Variants in RIMS4 observed in about 807,000 individuals in gnomAD.
RIMS4 encodes the protein regulating synaptic membrane exocytosis protein 4.
RIMS4 carries 9 observed loss-of-function variants against 29.0 expected under a neutral mutation model. The observed-to-expected ratio is 0.31, with a 90% CI of 0.19 to 0.54. The LOEUF (loss-of-function observed/expected upper bound fraction) is 0.54, where lower values mean the gene tolerates loss of function less well. RIMS4 is among the 20% of genes least tolerant of loss of function. The pLI is 0.94. For missense variants in RIMS4, 193 were observed against 365.7 expected (o/e 0.53, Z 3.85); for synonymous variants, 130 against 152.9 (o/e 0.85, Z 1.10).
chr20:44,784,573 G>A (rs1209862547), intron 1 of RIMS4, among the ~76,000 whole-genome samples: 3 of 152,196 alleles, frequency 2.0e-5, no homozygotes, highest in Non-Finnish European at 4.4e-5. Context: ...CTTAAAATCC[G>A]TCTCTCTCCA....
chr20:44,783,459 C>T (rs938760100), intron 1 of RIMS4, among the ~76,000 whole-genome samples: 1 of 152,066 alleles, frequency 6.6e-6, no homozygotes, highest in Non-Finnish European at 1.5e-5. Context: ...ACTGTCTCTA[C>T]TAAAAATACA....
intron 2 of RIMS4, among the ~76,000 whole-genome samples, chr20:44,760,259 G>A (rs1601018408): frequency 6.6e-6 from 1 of 152,196 alleles, no homozygotes; most frequent in Non-Finnish European, 1.5e-5. Context: ...AGGCTGGGGG[G>A]ATCTGAAAGC....
At chr20:44,779,279 A>G (rs1468513343) in intron 1 of RIMS4, among the ~76,000 whole-genome samples, 1 of 152,216 alleles carries the variant, frequency 6.6e-6, no homozygotes, top group Non-Finnish European at 1.5e-5. Context: ...AAACTGTACA[A>G]TTATATATCG....
intron 2 of RIMS4, among the ~76,000 whole-genome samples, chr20:44,767,715 A>G (rs1307592922): frequency 1.3e-5 from 2 of 152,214 alleles, no homozygotes; most frequent in Non-Finnish European, 2.9e-5. Context: ...CCATTTCCTC[A>G]TCTGTAAAAT....
intron 1 of RIMS4, among the ~76,000 whole-genome samples, chr20:44,800,861 A>G (rs1256765416): frequency 6.6e-6 from 1 of 152,190 alleles, no homozygotes; most frequent in Non-Finnish European, 1.5e-5. Flanking sequence ...CACTGTGCAC[A>G]CAGTAAACAC....
At position 44,756,777 on chromosome 20, in the gene RIMS4, T is replaced by A; in HGVS notation, c.591+121A>T. 1 of 883,386 alleles carries A rather than the reference T, an allele frequency of 1.1e-6. No homozygotes were observed. The highest frequency in any genetic ancestry group is 1.7e-6 in the Non-Finnish European group (1 of 595,986). 54.7% of individuals were successfully genotyped at this position (883,386 alleles called of 1,614,324 possible). On this transcript the variant is annotated intron_variant, in intron 5 of 5. Transcript: ENST00000372851. The surrounding 1 kb of genome is among the most constrained non-coding windows in gnomAD (Gnocchi z 5.9). ...GCCACAGTGAACTGAGGGCCTCGCC[T>A]GTTTCCTCCAGGCGAGGCCCTCCAG...
In RIMS4 at chr20:44,757,782, C is replaced by T; in HGVS notation, c.350-11G>A. Reference sequence around the variant, plus strand: ...CGATCTCCACATCCCCTGGAAGAGGCACCAAGAGATGAGACTGGGAAATGG... The same window carrying T: ...CGATCTCCACATCCCCTGGAAGAGGTACCAAGAGATGAGACTGGGAAATGG... On this transcript the variant is annotated splice_polypyrimidine_tract_variant and intron_variant, in intron 3 of 5. Coordinates refer to ENST00000372851, the MANE Select transcript of RIMS4 (RefSeq NM_182970.4). 1 of 1,607,492 alleles carries T rather than the reference C, an allele frequency of 6.2e-7. No homozygotes were observed. The highest frequency in any genetic ancestry group is 8.5e-7 in the Non-Finnish European group (1 of 1,174,228).
chr20:44,791,732 C>T (rs185226364), intron 1 of RIMS4, among the ~76,000 whole-genome samples: 64 of 152,246 alleles, frequency 4.2e-4, no homozygotes, highest in African/African-American at 1.5e-3. Context: ...ATGACTCCTT[C>T]TCCTCTTGAT....
chr20:44,756,842 A>G lies in RIMS4; in HGVS notation c.591+56T>C. The G allele has an allele frequency of 6.4e-7, 1 of 1,559,066 alleles. No individual in the cohort carries two copies. The highest frequency in any genetic ancestry group is 2.3e-5 in the East Asian group (1 of 44,044). Reference sequence around the variant, plus strand: ...AGGGGTGCCCTCCTCTCATTCTGGTACTGTGCATGTGTGCTCGTGCACACA... The same window carrying G: ...AGGGGTGCCCTCCTCTCATTCTGGTGCTGTGCATGTGTGCTCGTGCACACA... On this transcript the variant is annotated intron_variant, in intron 5 of 5. Transcript: ENST00000372851. This position sits in a 1 kb window ranked among gnomAD's most constrained non-coding sequence, Gnocchi z 5.9.
At chr20:44,781,653 TC>T (rs1451709776) in intron 1 of RIMS4, among the ~76,000 whole-genome samples, 1 of 152,080 alleles carries the variant, frequency 6.6e-6, no homozygotes, top group Non-Finnish European at 1.5e-5. Flanking sequence ...CAGGGGAAAG[TC>T]ATTTACTCTC....
At chr20:44,808,419 C>CAAA in intron 1 of RIMS4, among the ~76,000 whole-genome samples, 1 of 152,304 alleles carries the variant, frequency 6.6e-6, no homozygotes, top group East Asian at 1.9e-4. Flanking sequence ...ACCGCTCCTG[C>CAAA]CTCTGATGCT....
At chr20:44,787,188 A>C (rs976523033) in intron 1 of RIMS4, among the ~76,000 whole-genome samples, 4 of 152,204 alleles carry the variant, frequency 2.6e-5, no homozygotes, top group Non-Finnish European at 5.9e-5. Context: ...TGGAGCAGAC[A>C]GAGCAAGGGG....
chr20:44,771,188 AG>A, intron 2 of RIMS4, 86 bp downstream of exon 2: 1 of 1,481,066 alleles, frequency 6.8e-7, no homozygotes, highest in Non-Finnish European at 9.1e-7. Flanking sequence ...GAGCTGCCCT[AG>A]GGCTCCCAGA....
intron 2 of RIMS4, among the ~76,000 whole-genome samples, chr20:44,760,267 AG>A (rs1300337534): frequency 1.3e-5 from 2 of 152,202 alleles, no homozygotes; most frequent in African/African-American, 2.4e-5. Flanking sequence ...GGGATCTGAA[AG>A]CAGAGGAGAC....
At chr20:44,767,770 T>C (rs2066120079) in intron 2 of RIMS4, among the ~76,000 whole-genome samples, 1 of 152,176 alleles carries the variant, frequency 6.6e-6, no homozygotes, top group Non-Finnish European at 1.5e-5. Flanking sequence ...GACAATTAAA[T>C]GAGTCAATAT....
intron 1 of RIMS4, among the ~76,000 whole-genome samples, chr20:44,789,061 T>G (rs2145469344): frequency 6.6e-6 from 1 of 151,916 alleles, no homozygotes; most frequent in East Asian, 1.9e-4. Flanking sequence ...GGGTAAGCAC[T>G]GTTATTGTCT....
At chr20:44,781,289 C>T (rs1381725755) in intron 1 of RIMS4, among the ~76,000 whole-genome samples, 1 of 152,120 alleles carries the variant, frequency 6.6e-6, no homozygotes, top group Non-Finnish European at 1.5e-5. Flanking sequence ...AGTAAAGGGG[C>T]AATTGTGCAA....
chr20:44,779,859 T>C (rs1441664933), intron 1 of RIMS4, among the ~76,000 whole-genome samples: 1 of 152,200 alleles, frequency 6.6e-6, no homozygotes, highest in Non-Finnish European at 1.5e-5. Flanking sequence ...CACGTTAGAC[T>C]ATCATTCAGC....
intron 1 of RIMS4, among the ~76,000 whole-genome samples, chr20:44,804,954 C>T (rs934978651): frequency 2.0e-5 from 3 of 152,116 alleles, no homozygotes; most frequent in Admixed American, 2.0e-4. Flanking sequence ...AGGCGTGAAT[C>T]CTCATGCACC....
Sources: allele counts gnomAD v4.1 joint callset (sites outside exome capture counted in the v4.1 genomes callset), GRCh38; gene constraint gnomAD v4.1.1; non-coding constraint Gnocchi (gnomAD v3.1); transcripts MANE v1.5; gene names NCBI Gene and HGNC (gene_info 2026-07-23, HGNC 2026-07-21).